The following IL16 variants were observed in gnomAD, a reference collection of about 807,000 sequenced individuals.
The protein encoded by IL16 is interleukin 16.
A neutral mutation model predicts 110.1 loss-of-function variants in IL16; 67 were observed. That is an observed-to-expected ratio of 0.61 (90% CI 0.50 to 0.75). The LOEUF is 0.75. Ranked by LOEUF, IL16 falls within the 30% of genes least tolerant of loss-of-function variation. The pLI is 0.00. For missense variants in IL16, 1,545 were observed against 1,655.0 expected, an observed-to-expected ratio of 0.93 and a Z score of 1.15; for synonymous variants, 689 against 662.9, an observed-to-expected ratio of 1.04 and a Z score of -0.61.
rs143218054 is a variant in IL16, at chr15:81,261,676, G to C, written c.421+1796G>C. On this transcript the variant is annotated intron_variant, in intron 3 of 18. Transcript: ENST00000683961. ...TTTTTCTAACCCGGCCCACCCCTCT[G>C]TGTATGGCTCCTTTACCCAATTCTC... Among the ~76,000 whole-genome samples, 361 of 152,196 alleles carry C rather than the reference G, an allele frequency of 2.4e-3. 2 individuals carry two copies. The highest frequency in any genetic ancestry group is 7.9e-3 in the African/African-American group (326 of 41,510).
At chr15:81,221,420 G>A (rs950315685) in intron 1 of IL16, among the ~76,000 whole-genome samples, 4 of 152,112 alleles carry the variant, frequency 2.6e-5, no homozygotes, top group South Asian at 2.1e-4. Context: ...CCAACCTTTC[G>A]AAGGCAGCTG....
chr15:81,242,147 C>T (rs1396182350), intron 2 of IL16, among the ~76,000 whole-genome samples: 3 of 152,106 alleles, frequency 2.0e-5, no homozygotes, highest in Non-Finnish European at 1.5e-5. Flanking sequence ...TGTAGCTATA[C>T]ATTAAGTCTT....
At chr15:81,258,770 T>TGTCA (rs1898045370) in intron 2 of IL16, among the ~76,000 whole-genome samples, 2 of 134,086 alleles carry the variant, frequency 1.5e-5, no homozygotes, top group South Asian at 2.2e-4. Flanking sequence ...TCTCTCTCTC[T>TGTCA]CTCTATATAT....
At chr15:81,183,515 T>G (rs1212915653) in intron 1 of IL16, among the ~76,000 whole-genome samples, 1 of 152,240 alleles carries the variant, frequency 6.6e-6, no homozygotes, top group Non-Finnish European at 1.5e-5. Context: ...GCAGAACGTT[T>G]TAACCCTTCT....
chr15:81,277,894 T>C (rs1898985680), intron 6 of IL16, among the ~76,000 whole-genome samples: 1 of 152,290 alleles, frequency 6.6e-6, no homozygotes, highest in African/African-American at 2.4e-5. Context: ...TCCCTGTTTG[T>C]GTATTGAACA....
chr15:81,218,584 ATTGT>A (rs1264876710), intron 1 of IL16, among the ~76,000 whole-genome samples: 1 of 152,146 alleles, frequency 6.6e-6, no homozygotes, highest in Non-Finnish European at 1.5e-5. Flanking sequence ...TTGAGACGTG[ATTGT>A]TGTAAAAAGA....
chr15:81,277,038 A>C (rs1009546826), intron 6 of IL16, among the ~76,000 whole-genome samples: 70 of 152,254 alleles, frequency 4.6e-4, no homozygotes, highest in African/African-American at 1.6e-3. Context: ...GTAAAAAAAA[A>C]AATAAGTGGA....
At chr15:81,295,612 C>G (rs188360006) in intron 12 of IL16, 5 of 739,058 alleles carry the variant, frequency 6.8e-6, no homozygotes, top group Admixed American at 5.8e-5. Context: ...AATGCCATGA[C>G]TCAGCCTTAC....
chr15:81,277,943 A>G (rs1567032435), intron 6 of IL16, among the ~76,000 whole-genome samples: 2 of 152,228 alleles, frequency 1.3e-5, no homozygotes, highest in Admixed American at 6.5e-5. Context: ...CTGTTCACAT[A>G]GAAATGGATT....
chr15:81,293,006 C>T lies in IL16; in HGVS notation c.1871C>T (p.Ser624Phe), dbSNP rs202120564. The change falls in exon 12 of 19, where the codon TCT becomes TTT. Residue 624 changes from serine (S) to phenylalanine (F), a missense_variant. Ser to Phe is a radical substitution (Grantham distance 155). Transcript: ENST00000683961. ...GAAGAGAGAGAGAACTCCTCATGCTCTTCTGGGCACACCCCACCCACCTGT... is the reference window on the plus strand; with the variant it reads ...GAAGAGAGAGAGAACTCCTCATGCTTTTCTGGGCACACCCCACCCACCTGT... Reference protein sequence around the residue: ...SLEERENSSCSSGHTPPTCGQ... With the variant: ...SLEERENSSCFSGHTPPTCGQ... The T allele has an allele frequency of 5.2e-4, 836 of 1,610,980 alleles. 2 individuals carry two copies. Among genetic ancestry groups the T allele is most frequent in the Admixed American group, 1.3e-3 (78 of 60,010 alleles).
chr15:81,190,020 C>A (rs781148833), intron 1 of IL16, among the ~76,000 whole-genome samples: 13 of 152,210 alleles, frequency 8.5e-5, no homozygotes, highest in Non-Finnish European at 1.8e-4. Flanking sequence ...CGAACTCCAC[C>A]CTTGTCCTGT....
At chr15:81,204,600 G>T (rs28570162) in intron 1 of IL16, among the ~76,000 whole-genome samples, 1 of 152,010 alleles carries the variant, frequency 6.6e-6, no homozygotes, top group Non-Finnish European at 1.5e-5. Flanking sequence ...TTTGTCTTTG[G>T]TTCTGTTTAT....
intron 3 of IL16, among the ~76,000 whole-genome samples, chr15:81,262,893 T>G (rs375828881): frequency 2.0e-5 from 3 of 152,356 alleles, no homozygotes; most frequent in African/African-American, 7.2e-5. Context: ...ATTGTGCCAC[T>G]GCACTCTAGC....
At chr15:81,245,135 A>C (rs536331021) in intron 2 of IL16, among the ~76,000 whole-genome samples, 5 of 152,274 alleles carry the variant, frequency 3.3e-5, no homozygotes, top group African/African-American at 1.2e-4. Context: ...TATATTTTCT[A>C]TCATCTCAGT....
At chr15:81,232,845 G>A (rs1486826495) in intron 2 of IL16, among the ~76,000 whole-genome samples, 1 of 152,100 alleles carries the variant, frequency 6.6e-6, no homozygotes, top group Non-Finnish European at 1.5e-5. Context: ...TTTTGGTCTG[G>A]TTTTCAAACT....
At chr15:81,295,501 C>T (rs564028874) in intron 12 of IL16, 1 of 1,289,560 alleles carries the variant, frequency 7.8e-7, no homozygotes. Flanking sequence ...CAGATGTCAA[C>T]TTACAGAGCT....
intron 2 of IL16, among the ~76,000 whole-genome samples, chr15:81,253,899 T>C (rs534315424): frequency 5.9e-5 from 9 of 152,028 alleles, no homozygotes; most frequent in African/African-American, 2.2e-4. Flanking sequence ...ACTTGAGAAG[T>C]TTTAGATTTC....
intron 7 of IL16, among the ~76,000 whole-genome samples, chr15:81,279,251 A>G (rs1185340069): frequency 4.6e-5 from 7 of 152,254 alleles, no homozygotes; most frequent in African/African-American, 1.4e-4. Context: ...TCTATCTATT[A>G]TCAATCAATC....
At position 81,313,393 on chromosome 15, in the gene IL16, T is replaced by C. The variant is rs756673663; in HGVS notation, c.*4595T>C. ...TGGAAGAATGTGACCAGGTTGGTCT[T>C]GGTGGGTTCCCTGTGAAGGCAACAG... On this transcript the variant is annotated 3_prime_UTR_variant, in exon 19 of 19. Transcript: ENST00000683961. The C allele has an allele frequency of 6.4e-7, 1 of 1,552,328 alleles. No individual in the cohort carries two copies. The highest frequency in any genetic ancestry group is 8.7e-7 in the Non-Finnish European group (1 of 1,147,436).
Sources: allele counts gnomAD v4.1 joint callset (sites outside exome capture counted in the v4.1 genomes callset), GRCh38; gene constraint gnomAD v4.1.1; transcripts MANE v1.5; gene names NCBI Gene and HGNC (gene_info 2026-07-23, HGNC 2026-07-21).